Variants in OSTN observed in about 807,000 individuals in gnomAD.
The protein encoded by OSTN is osteocrin.
In OSTN, 9 loss-of-function variants were observed where a neutral mutation model predicts 12.0. That is an observed-to-expected ratio of 0.75 (90% CI 0.45 to 1.30). The LOEUF is 1.30. Ranked by LOEUF, OSTN falls within the 50% of genes most tolerant of loss-of-function variation. The pLI is 0.00. For missense variants in OSTN, 148 were observed against 152.3 expected (o/e 0.97, Z 0.15); for synonymous variants, 59 against 56.9 (o/e 1.04, Z -0.16).
intron 1 of OSTN, among the ~76,000 whole-genome samples, chr3:191,203,740 T>C (rs1439252721): frequency 1.3e-5 from 2 of 152,214 alleles, no homozygotes; most frequent in Non-Finnish European, 2.9e-5. Context: ...AAATAGGTTA[T>C]ACTCGAAAGA....
intron 4 of OSTN, among the ~76,000 whole-genome samples, chr3:191,259,555 G>T (rs926545086): frequency 1.3e-5 from 2 of 151,478 alleles, no homozygotes; most frequent in African/African-American, 4.8e-5. Context: ...CTTAACCAAG[G>T]TTCTGACTTA....
intron 3 of OSTN, among the ~76,000 whole-genome samples, chr3:191,248,941 G>A (rs1336196222): frequency 2.6e-5 from 4 of 152,140 alleles, no homozygotes; most frequent in Non-Finnish European, 5.9e-5. Context: ...TACATTTGGT[G>A]GGAGAATAAC....
At chr3:191,256,522 G>C (rs1412104469) in intron 4 of OSTN, among the ~76,000 whole-genome samples, 1 of 151,520 alleles carries the variant, frequency 6.6e-6, no homozygotes, top group Non-Finnish European at 1.5e-5. Context: ...TAATAATTCA[G>C]AGATTTCAAA....
rs1576908154 is a variant in OSTN, at chr3:191,265,069, T to C, written c.*2216T>C. ...ATTTTTACCACTACTTCATTCAGAG[T>C]AGAAAATAAGTCAGCAATATACTAA... On this transcript the variant is annotated 3_prime_UTR_variant, in exon 5 of 5. Coordinates refer to ENST00000682035, the MANE Select transcript of OSTN (RefSeq NM_198184.2). 6.6e-6 allele frequency: 1 copy of C among 152,172 alleles called. No individual in the cohort carries two copies. The highest frequency in any genetic ancestry group is 2.4e-5 in the African/African-American group (1 of 41,466). The allele number at this position is 152,172 out of a possible 1,614,324, so 9.4% of individuals were successfully genotyped here.
chr3:191,229,141 T>C (rs1714986967), intron 3 of OSTN, among the ~76,000 whole-genome samples: 1 of 152,156 alleles, frequency 6.6e-6, no homozygotes, highest in Non-Finnish European at 1.5e-5. Context: ...ACAGGACAAA[T>C]AATCCAGTTT....
At chr3:191,207,847 C>T (rs889903143) in intron 1 of OSTN, among the ~76,000 whole-genome samples, 4 of 152,112 alleles carry the variant, frequency 2.6e-5, no homozygotes, top group Admixed American at 6.5e-5. Context: ...TACCTCACTG[C>T]GTTATTCCAT....
rs537168625 is a variant in OSTN, at chr3:191,201,566, G to T, written c.-1+2259G>T. Among the ~76,000 whole-genome samples, 4 of 152,086 alleles carry T rather than the reference G, an allele frequency of 2.6e-5. No individual in the cohort carries two copies. The South Asian group carries it at 8.3e-4, about 32-fold the overall frequency. On this transcript the variant is annotated intron_variant, in intron 1 of 4. Transcript: ENST00000682035. The stretch of plus-strand genomic sequence containing the variant: ...CTTCAGTACAGCTGAGCTTTCTTTT[G>T]TTTCTTTCCCAGGATTACATTTTTT...
rs1473953951 is a variant in OSTN at position 191,263,861 on chromosome 3, TAGA to T, written c.*1010_*1012del. On this transcript the variant is annotated 3_prime_UTR_variant, in exon 5 of 5. Coordinates refer to ENST00000682035, the MANE Select transcript of OSTN (RefSeq NM_198184.2). Reference sequence around the variant, plus strand: ...TATTAAAACATAAGTTTTCGTATTGTAGAAAACTCAGTTCTCAGTAATAACTAT... The same window carrying T: ...TATTAAAACATAAGTTTTCGTATTGTAAACTCAGTTCTCAGTAATAACTAT... The T allele has an allele frequency of 6.6e-6, 1 of 152,150 alleles. No homozygotes were observed. Among genetic ancestry groups the T allele is most frequent in the Non-Finnish European group, 1.5e-5 (1 of 67,990 alleles). The allele number at this position is 152,150 out of a possible 1,614,324, so 9.4% of individuals were successfully genotyped here.
intron 1 of OSTN, among the ~76,000 whole-genome samples, chr3:191,211,903 T>C (rs1714427350): frequency 6.6e-6 from 1 of 152,154 alleles, no homozygotes; most frequent in South Asian, 2.1e-4. Flanking sequence ...ATATTGTACA[T>C]ATCATGTATA....
At chr3:191,248,532 A>G (rs1715488764) in intron 3 of OSTN, among the ~76,000 whole-genome samples, 2 of 152,162 alleles carry the variant, frequency 1.3e-5, no homozygotes, top group African/African-American at 4.8e-5. Flanking sequence ...AGCTATTGAA[A>G]ATGTTCTGAA....
At chr3:191,256,629 T>TTC (rs1023036998) in intron 4 of OSTN, among the ~76,000 whole-genome samples, 34 of 143,786 alleles carry the variant, frequency 2.4e-4, no homozygotes, top group African/African-American at 8.9e-4. Flanking sequence ...CTCTCCTCCT[T>TTC]TTTTTTTTTT....
chr3:191,217,349 C>A (rs967422423), intron 2 of OSTN, among the ~76,000 whole-genome samples: 1 of 152,082 alleles, frequency 6.6e-6, no homozygotes, highest in Non-Finnish European at 1.5e-5. Flanking sequence ...GGAACACAGC[C>A]AAACCATATC....
chr3:191,225,587 A>G (rs57429424), intron 3 of OSTN, among the ~76,000 whole-genome samples: 18,432 of 152,122 alleles, frequency 0.12, 3,738 homozygotes, highest in African/African-American at 0.42. Flanking sequence ...GTGTCCAATA[A>G]TGGTGGACTG....
intron 1 of OSTN, among the ~76,000 whole-genome samples, chr3:191,205,435 T>TAA (rs10662024): frequency 0.19 from 28,527 of 147,748 alleles, 2,741 homozygotes; most frequent in East Asian, 0.32. Context: ...TCACGTCAAG[T>TAA]AAAAAAAAAT....
chr3:191,210,699 A>G (rs1714397046), intron 1 of OSTN, among the ~76,000 whole-genome samples: 1 of 152,220 alleles, frequency 6.6e-6, no homozygotes, highest in African/African-American at 2.4e-5. Flanking sequence ...CTTTACCCCC[A>G]GCAGGTTTTC....
chr3:191,225,670 T>C (rs1303282363), intron 3 of OSTN, among the ~76,000 whole-genome samples: 1 of 152,170 alleles, frequency 6.6e-6, no homozygotes, highest in Non-Finnish European at 1.5e-5. Context: ...TTATGTTCTT[T>C]GCAGCTACAT....
intron 4 of OSTN, among the ~76,000 whole-genome samples, chr3:191,252,298 C>T (rs979585046): frequency 6.6e-6 from 1 of 152,142 alleles, no homozygotes; most frequent in Non-Finnish European, 1.5e-5. Flanking sequence ...ATCTCCTGAC[C>T]TTGTGATTCT....
intron 2 of OSTN, among the ~76,000 whole-genome samples, chr3:191,215,005 T>G (rs1714571074): frequency 2.0e-5 from 3 of 152,146 alleles, no homozygotes. Context: ...GAGTGAGACT[T>G]TGTCTCAAAA....
At chr3:191,259,757 T>A (rs559056927) in intron 4 of OSTN, among the ~76,000 whole-genome samples, 3 of 152,036 alleles carry the variant, frequency 2.0e-5, no homozygotes, top group South Asian at 4.2e-4. Context: ...AGGCAATCTC[T>A]TACAAAGGAT....
Sources: allele counts gnomAD v4.1 joint callset (sites outside exome capture counted in the v4.1 genomes callset), GRCh38; gene constraint gnomAD v4.1.1; transcripts MANE v1.5; gene names NCBI Gene and HGNC (gene_info 2026-07-23, HGNC 2026-07-21).